The following CTNNA3 variants were observed in gnomAD, a reference collection of about 807,000 sequenced individuals.
The protein encoded by CTNNA3 is catenin alpha 3, also known as catenin alpha-3.
In CTNNA3, 76 loss-of-function variants were observed where a neutral mutation model predicts 95.7. That is an observed-to-expected ratio of 0.79 (90% CI 0.66 to 0.96). The LOEUF (loss-of-function observed/expected upper bound fraction) is 0.96, where lower values mean the gene tolerates loss of function less well. Among genes scored for constraint, CTNNA3 ranks in the 40% least tolerant of loss-of-function variants. The pLI, the probability that CTNNA3 is intolerant of heterozygous loss-of-function variation, is 0.00. For synonymous variants in CTNNA3, 431 were observed against 374.4 expected, an observed-to-expected ratio of 1.15 and a Z score of -1.74; for missense variants, 1,191 against 1,089.8, an observed-to-expected ratio of 1.09 and a Z score of -1.31.
intron 1 of CTNNA3, among the ~76,000 whole-genome samples, chr10:67,702,348 T>C (rs956464239): frequency 1.3e-5 from 2 of 152,130 alleles, no homozygotes; most frequent in Admixed American, 1.3e-4. Context: ...ACACCACACC[T>C]ATTCAAAAAT....
At chr10:67,414,449 C>T (rs1373412151) in intron 5 of CTNNA3, among the ~76,000 whole-genome samples, 1 of 152,046 alleles carries the variant, frequency 6.6e-6, no homozygotes, top group Non-Finnish European at 1.5e-5. Context: ...AAAGAACCTA[C>T]CAAGCAAAAA....
At chr10:67,005,060 A>C (rs1464556373) in intron 7 of CTNNA3, among the ~76,000 whole-genome samples, 1 of 152,184 alleles carries the variant, frequency 6.6e-6, no homozygotes, top group East Asian at 1.9e-4. Flanking sequence ...ACAATGTGGG[A>C]TTGGTGTTTT....
chr10:67,462,898 T>A (rs1370880139), intron 5 of CTNNA3, among the ~76,000 whole-genome samples: 1 of 150,468 alleles, frequency 6.6e-6, no homozygotes, highest in African/African-American at 2.5e-5. Context: ...TGCAAGGATT[T>A]TTTTTCTTTT....
At chr10:67,006,586 T>A (rs1852005989) in intron 7 of CTNNA3, among the ~76,000 whole-genome samples, 1 of 152,200 alleles carries the variant, frequency 6.6e-6, no homozygotes, top group African/African-American at 2.4e-5. Context: ...AAGTCTCAAT[T>A]ATTTAAGAGA....
chr10:66,066,083 G>A (rs756103855), intron 15 of CTNNA3, among the ~76,000 whole-genome samples: 4 of 151,796 alleles, frequency 2.6e-5, no homozygotes, highest in Admixed American at 6.6e-5. Context: ...GGCTGGTCTC[G>A]AACTCCCAAC....
intron 5 of CTNNA3, among the ~76,000 whole-genome samples, chr10:67,251,339 G>A (rs1866102029): frequency 6.6e-6 from 1 of 152,126 alleles, no homozygotes; most frequent in Admixed American, 6.6e-5. Flanking sequence ...GGGCAGGAGT[G>A]ACTGCTAATG....
At chr10:66,926,642 C>T in intron 7 of CTNNA3, 2 of 1,578,668 alleles carry the variant, frequency 1.3e-6, no homozygotes, top group South Asian at 1.1e-5. Context: ...CAAAAAACCT[C>T]TAGTGTGTGT....
At chr10:67,099,535 C>A (rs1858211795) in intron 7 of CTNNA3, 1 of 152,022 alleles carries the variant, frequency 6.6e-6, no homozygotes, top group Non-Finnish European at 1.5e-5. Flanking sequence ...TCTATAAAAT[C>A]TAGTTTTATG....
chr10:65,918,959 G>A lies in CTNNA3; in HGVS notation c.*1371C>T, dbSNP rs773273728. On this transcript the variant is annotated 3_prime_UTR_variant, in exon 18 of 18. Coordinates refer to ENST00000433211, the MANE Select transcript of CTNNA3 (RefSeq NM_013266.4). ...TCTAAGGTTACATCGTTGCTGAGAC[G>A]CCTCTCATCAATGGCAATGTTTTAG... The A allele has an allele frequency of 9.9e-5, 15 of 151,968 alleles. No homozygotes were observed. The highest frequency in any genetic ancestry group is 2.1e-4 in the Non-Finnish European group (14 of 67,988). 9.4% of individuals were successfully genotyped at this position (151,968 alleles called of 1,614,324 possible). A position where few individuals can be genotyped will look rare whatever the true frequency, so the allele number is the denominator to read the frequency against.
rs191399771 is a variant in CTNNA3 at position 67,146,909 on chromosome 10, G to A, written c.1047+33408C>T. Reference sequence around the variant, plus strand: ...TAACATTATGTTACCATTGCCTACAGTATCTAGTACAGTAACATGCTGTAC... The same window carrying A: ...TAACATTATGTTACCATTGCCTACAATATCTAGTACAGTAACATGCTGTAC... On this transcript the variant is annotated intron_variant, in intron 7 of 17. Coordinates refer to ENST00000433211, the MANE Select transcript of CTNNA3 (RefSeq NM_013266.4). 2.1e-4 allele frequency among the ~76,000 whole-genome samples: 32 copies of A among 152,226 alleles called. No individual in the cohort carries two copies. In the East Asian group the frequency reaches 6.0e-3, roughly 28 times the overall value.
intron 5 of CTNNA3, among the ~76,000 whole-genome samples, chr10:67,434,574 T>G (rs1328480789): frequency 1.3e-5 from 2 of 151,980 alleles, no homozygotes; most frequent in African/African-American, 2.4e-5. Context: ...TATATCCATA[T>G]ATGTGTGTGT....
At chr10:66,728,440 T>C (rs1848846174) in intron 9 of CTNNA3, among the ~76,000 whole-genome samples, 1 of 152,182 alleles carries the variant, frequency 6.6e-6, no homozygotes, top group Non-Finnish European at 1.5e-5. Flanking sequence ...TTTACTTAGA[T>C]CTCATTTGTC....
intron 7 of CTNNA3, among the ~76,000 whole-genome samples, chr10:66,953,791 T>A (rs545308445): frequency 1.7e-4 from 26 of 152,260 alleles, no homozygotes; most frequent in South Asian, 8.3e-4. Flanking sequence ...TTTATTTTTT[T>A]AAAAATTAGC....
chr10:67,560,534 T>C (rs900096780), intron 3 of CTNNA3, among the ~76,000 whole-genome samples: 8 of 152,140 alleles, frequency 5.3e-5, no homozygotes, highest in Non-Finnish European at 8.8e-5. Context: ...TGCAAAAACA[T>C]GCCAAATTCT....
intron 11 of CTNNA3, among the ~76,000 whole-genome samples, chr10:66,443,675 C>G (rs369848400): frequency 4.2e-4 from 64 of 152,068 alleles, no homozygotes; most frequent in African/African-American, 1.5e-3. Flanking sequence ...CCCATCTGTA[C>G]GTTGCCATCA....
chr10:66,417,418 G>C (rs985234436), intron 11 of CTNNA3, among the ~76,000 whole-genome samples: 5 of 151,962 alleles, frequency 3.3e-5, no homozygotes, highest in African/African-American at 1.2e-4. Flanking sequence ...AGACTCCAAT[G>C]CAATAACTGT....
intron 1 of CTNNA3, among the ~76,000 whole-genome samples, chr10:67,660,994 A>T (rs1840169032): frequency 1.3e-5 from 2 of 152,030 alleles, no homozygotes; most frequent in African/African-American, 4.8e-5. Context: ...CACCTTTCAG[A>T]TTGGCAAATA....
intron 13 of CTNNA3, among the ~76,000 whole-genome samples, chr10:66,106,342 TG>T: frequency 6.0e-5 from 1 of 16,666 alleles, no homozygotes; most frequent in Non-Finnish European, 1.2e-4. Context: ...TGTGTTTGTG[TG>T]TGTGTGTGTG....
At chr10:66,816,083 C>G (rs1275943616) in intron 7 of CTNNA3, among the ~76,000 whole-genome samples, 3 of 152,082 alleles carry the variant, frequency 2.0e-5, no homozygotes, top group African/African-American at 7.2e-5. Flanking sequence ...TATAGAGGAG[C>G]AAAGTTTTGT....
Sources: allele counts gnomAD v4.1 joint callset (sites outside exome capture counted in the v4.1 genomes callset), GRCh38; gene constraint gnomAD v4.1.1; transcripts MANE v1.5; gene names NCBI Gene and HGNC (gene_info 2026-07-23, HGNC 2026-07-21).